Variants in ANKRD10 observed in about 807,000 individuals in gnomAD.
ANKRD10 encodes ankyrin repeat domain-containing protein 10.
A neutral mutation model predicts 27.0 loss-of-function variants in ANKRD10; 14 were observed. The ratio of observed to expected loss-of-function variants is 0.52; its 90% confidence interval spans 0.34 to 0.81. The LOEUF (loss-of-function observed/expected upper bound fraction) is 0.81. ANKRD10 is among the 40% of genes least tolerant of loss of function. The pLI, the probability that ANKRD10 is intolerant of heterozygous loss-of-function variation, is 0.01. For missense variants in ANKRD10, 493 were observed against 544.0 expected (o/e 0.91, Z 0.93); for synonymous variants, 250 against 224.5 (o/e 1.11, Z -1.01).
In ANKRD10 at chr13:110,886,138, C is replaced by T. The variant is rs142002839; in HGVS notation, c.692-2345G>A. On this transcript the variant is annotated intron_variant, in intron 4 of 5. Coordinates refer to ENST00000267339, the MANE Select transcript of ANKRD10 (RefSeq NM_017664.4). Reference sequence around the variant, plus strand: ...CATGCGAGGTGCAGGGACATGCACCCTGAAGGCAGAGGTGCCACTAGGGGC... The same window carrying T: ...CATGCGAGGTGCAGGGACATGCACCTTGAAGGCAGAGGTGCCACTAGGGGC... Among the ~76,000 whole-genome samples the T allele has an allele frequency of 2.8e-4, 43 of 152,364 alleles. 1 individual carries two copies. The highest frequency in any genetic ancestry group is 4.4e-4 in the Non-Finnish European group (30 of 68,042).
intron 4 of ANKRD10, 107 bp downstream of exon 4, chr13:110,892,919 ACC>A (rs1300744327): frequency 1.0e-5 from 15 of 1,490,228 alleles, no homozygotes; most frequent in Admixed American, 2.3e-5. Flanking sequence ...CAGGCGCATT[ACC>A]ACCTGAAGTG....
intron 2 of ANKRD10, 75 bp downstream of exon 2, chr13:110,910,541 TAA>T: frequency 1.9e-6 from 3 of 1,543,090 alleles, no homozygotes; most frequent in Admixed American, 3.9e-5. Flanking sequence ...GGCCTCGATT[TAA>T]AGCAATACCG....
chr13:110,881,134 G>T lies in ANKRD10; in HGVS notation c.788-1022C>A, dbSNP rs574976142. ...AATATTCATGTTCACAGGAATTCAC[G>T]TAACAGTATAAGGGATGATCTAAAA... is the stretch of plus-strand genomic sequence containing the variant. On this transcript the variant is annotated intron_variant, in intron 5 of 5. Coordinates refer to ENST00000267339, the MANE Select transcript of ANKRD10 (RefSeq NM_017664.4). Among the ~76,000 whole-genome samples, 3 of 152,296 alleles carry T rather than the reference G, an allele frequency of 2.0e-5. No homozygotes were observed. In the East Asian group the frequency reaches 5.8e-4, roughly 29 times the overall value.
chr13:110,879,584 T>G lies in ANKRD10; in HGVS notation c.*53A>C. ...TCAAGTTGCTGCTACATGGGTATTC[T>G]GAGCTGGCTACCAGGAAGGACTCCT... On this transcript the variant is annotated 3_prime_UTR_variant, in exon 6 of 6. Transcript: ENST00000267339. 3.5e-6 allele frequency: 5 copies of G among 1,413,664 alleles called. No homozygotes were observed. Among genetic ancestry groups the G allele is most frequent in the Non-Finnish European group, 4.9e-6 (5 of 1,015,568 alleles). 87.6% of individuals were successfully genotyped at this position (1,413,664 alleles called of 1,614,324 possible).
intron 3 of ANKRD10, among the ~76,000 whole-genome samples, chr13:110,899,808 A>G (rs1566476683): frequency 8.2e-6 from 1 of 122,154 alleles, no homozygotes; most frequent in Non-Finnish European, 1.7e-5. Flanking sequence ...TGTGAATTAC[A>G]TGTTCTGCTA....
intron 3 of ANKRD10, among the ~76,000 whole-genome samples, chr13:110,903,173 C>G (rs1003603519): frequency 6.6e-6 from 1 of 152,164 alleles, no homozygotes; most frequent in Admixed American, 6.5e-5. Flanking sequence ...GCAAGCAGCA[C>G]TCAAATATTG....
intron 5 of ANKRD10, among the ~76,000 whole-genome samples, chr13:110,881,030 G>A (rs1440472437): frequency 6.6e-6 from 1 of 152,180 alleles, no homozygotes; most frequent in Admixed American, 6.5e-5. Flanking sequence ...GGGATAAAAC[G>A]TCCATCATGG....
At chr13:110,896,971 T>G (rs1325348385) in intron 3 of ANKRD10, among the ~76,000 whole-genome samples, 1 of 116,632 alleles carries the variant, frequency 8.6e-6, no homozygotes, top group Non-Finnish European at 1.7e-5. Flanking sequence ...TAAATTCCAA[T>G]ACAATGTATA....
chr13:110,881,140 G>A (rs758263373), intron 5 of ANKRD10, among the ~76,000 whole-genome samples: 6 of 152,164 alleles, frequency 3.9e-5, no homozygotes, highest in Non-Finnish European at 5.9e-5. Flanking sequence ...TCACGTAACA[G>A]TATAAGGGAT....
At position 110,893,215 on chromosome 13, in the gene ANKRD10, C is replaced by T. The variant is rs756836479; in HGVS notation, c.504G>A (p.Gln168=). ...GLTAADIAQT[Q]GFQECAQFLL... ...GAAACTGGGCACACTCTTGGAAACC[C>T]TGGGTTTGTGCAATGTCTGCTGCTG... is the stretch of plus-strand genomic sequence containing the variant. Residue 168 remains glutamine (Q), a synonymous_variant, in exon 4 of 6, where the codon CAG becomes CAA. Coordinates refer to ENST00000267339, the MANE Select transcript of ANKRD10 (RefSeq NM_017664.4). 3 of 1,614,150 alleles carry T rather than the reference C, an allele frequency of 1.9e-6. No individual in the cohort carries two copies. The South Asian group carries it at 3.3e-5, about 18-fold the overall frequency.
chr13:110,912,391 T>C (rs1441585329), intron 1 of ANKRD10, among the ~76,000 whole-genome samples: 1 of 152,226 alleles, frequency 6.6e-6, no homozygotes, highest in Non-Finnish European at 1.5e-5. Context: ...AACTTGGACC[T>C]GGGAGTAAAG....
chr13:110,883,753 G>T lies in ANKRD10; in HGVS notation c.732C>A (p.Asp244Glu). 6.2e-7 allele frequency: 1 copy of T among 1,614,166 alleles called. No homozygotes were observed. The highest frequency in any genetic ancestry group is 2.2e-5 in the East Asian group (1 of 44,880). ...GCATTTTGTCAGCATCGTCTTCTGTGTCGCCATTCGTGAGTGGCACGGCAG... is the reference window on the plus strand; with the variant it reads ...GCATTTTGTCAGCATCGTCTTCTGTTTCGCCATTCGTGAGTGGCACGGCAG... Reference protein sequence around the residue: ...LDSAVPLTNGDTEDDADKMHV... With the variant: ...LDSAVPLTNGETEDDADKMHV... The change falls in exon 5 of 6, where the codon GAC (aspartate) becomes GAA (glutamate). Residue 244 changes from aspartate to glutamate, a missense_variant. By Grantham distance (45) the Asp-to-Glu change is conservative (BLOSUM62 2). Coordinates refer to ENST00000267339, the MANE Select transcript of ANKRD10 (RefSeq NM_017664.4).
chr13:110,906,474 C>T (rs1368517342), intron 2 of ANKRD10, among the ~76,000 whole-genome samples: 2 of 144,586 alleles, frequency 1.4e-5, no homozygotes, highest in African/African-American at 4.9e-5. Context: ...ACCAACCAAC[C>T]ACACACACAC....
chr13:110,914,863 G>C lies in ANKRD10; in HGVS notation c.72C>G (p.Phe24Leu), dbSNP rs537539983. 9.0e-6 allele frequency: 14 copies of C among 1,554,972 alleles called. No homozygotes were observed. Among genetic ancestry groups the C allele is most frequent in the Non-Finnish European group, 1.2e-5 (14 of 1,152,310 alleles). Reference protein sequence around the residue: ...FSSEELLSLRFPLHRACRDGD... With the variant: ...FSSEELLSLRLPLHRACRDGD... ...CGTCGCGGCAGGCGCGGTGCAGCGG[G>C]AAACGGAGCGAGAGCAGCTCCTCGC... The change falls in exon 1 of 6, where the codon TTC (phenylalanine) becomes TTG (leucine). Residue 24 changes from phenylalanine (F) to leucine (L), a missense_variant. Physicochemically the swap from Phe to Leu is conservative, Grantham distance 22 (BLOSUM62 0). Transcript: ENST00000267339.
intron 1 of ANKRD10, among the ~76,000 whole-genome samples, chr13:110,911,282 T>C (rs1360665363): frequency 1.4e-5 from 2 of 143,326 alleles, no homozygotes; most frequent in Admixed American, 1.4e-4. Context: ...AAACCCCATC[T>C]CTACTAAAAA....
At chr13:110,890,560 T>A (rs929567468) in intron 4 of ANKRD10, among the ~76,000 whole-genome samples, 11 of 152,188 alleles carry the variant, frequency 7.2e-5, no homozygotes, top group Non-Finnish European at 1.5e-4. Flanking sequence ...ATGGTCAGTA[T>A]ACAAATTAGG....
chr13:110,881,134 G>A (rs574976142), intron 5 of ANKRD10, among the ~76,000 whole-genome samples: 4 of 152,296 alleles, frequency 2.6e-5, no homozygotes, highest in Non-Finnish European at 4.4e-5. Flanking sequence ...AGGAATTCAC[G>A]TAACAGTATA....
chr13:110,890,227 A>G (rs1245448017), intron 4 of ANKRD10, among the ~76,000 whole-genome samples: 4 of 152,234 alleles, frequency 2.6e-5, no homozygotes, highest in Non-Finnish European at 4.4e-5. Context: ...GGAAATAATT[A>G]TATATCTATT....
intron 4 of ANKRD10, chr13:110,892,676 T>TAAA (rs11446794): frequency 9.3e-4 from 683 of 731,610 alleles, no homozygotes; most frequent in Middle Eastern, 2.1e-3. Flanking sequence ...AGAAGCAAAT[T>TAAA]AAAAAAAAAA....
Sources: allele counts gnomAD v4.1 joint callset (sites outside exome capture counted in the v4.1 genomes callset), GRCh38; gene constraint gnomAD v4.1.1; transcripts MANE v1.5; gene names NCBI Gene and HGNC (gene_info 2026-07-23, HGNC 2026-07-21).